SHANK2: variants seen among roughly 807,000 people sequenced by gnomAD.
SHANK2 encodes the protein SH3 and multiple ankyrin repeat domains 2.
In SHANK2, 43 loss-of-function variants were observed where a neutral mutation model predicts 133.7. The observed-to-expected ratio is 0.32, with a 90% CI of 0.25 to 0.41. The LOEUF is 0.41. Ranked by LOEUF, SHANK2 falls within the 10% of genes least tolerant of loss-of-function variation. The pLI, the probability that SHANK2 is intolerant of heterozygous loss-of-function variation, is 1.00. For missense variants in SHANK2, 1,994 were observed against 2,235.8 expected (o/e 0.89, Z 2.18); for synonymous variants, 1,017 against 952.8 (o/e 1.07, Z -1.24).
At chr11:71,082,884 G>A (rs1271332512) in intron 8 of SHANK2, among the ~76,000 whole-genome samples, 2 of 152,136 alleles carry the variant, frequency 1.3e-5, no homozygotes, top group Admixed American at 6.5e-5. Flanking sequence ...ATCAAACGAG[G>A]GGCTGGGAGC....
chr11:70,890,462 A>G, intron 11 of SHANK2, among the ~76,000 whole-genome samples: 1 of 151,482 alleles, frequency 6.6e-6, no homozygotes. Context: ...AACATGGTGA[A>G]ACCCTGTCTC....
intron 17 of SHANK2, among the ~76,000 whole-genome samples, chr11:70,619,176 T>A (rs759936972): frequency 3.9e-5 from 6 of 152,228 alleles, no homozygotes; most frequent in Non-Finnish European, 7.3e-5. Context: ...TAGATTCTTA[T>A]TGCTCGCTGT....
intron 2 of SHANK2, among the ~76,000 whole-genome samples, chr11:71,193,142 G>A (rs1953824561): frequency 6.6e-6 from 1 of 152,152 alleles, no homozygotes; most frequent in Non-Finnish European, 1.5e-5. Context: ...CTCTGCTAAA[G>A]CCAGATTCCT....
chr11:70,489,085 A>G, intron 24 of SHANK2: 1 of 532,316 alleles, frequency 1.9e-6, no homozygotes. Context: ...AGGACAAACT[A>G]CAATAATTTA....
intron 23 of SHANK2, chr11:70,489,900 A>G: frequency 3.2e-6 from 1 of 317,282 alleles, no homozygotes; most frequent in South Asian, 3.3e-5. Context: ...GTGGCTGGGG[A>G]ATGCAGGGAA....
intron 2 of SHANK2, among the ~76,000 whole-genome samples, chr11:71,176,377 A>T (rs1953445415): frequency 6.6e-6 from 1 of 152,234 alleles, no homozygotes; most frequent in Admixed American, 6.5e-5. Context: ...ATTATCACAC[A>T]TGCAAAGAAG....
At chr11:71,123,729 G>T (rs1317002202) in intron 3 of SHANK2, among the ~76,000 whole-genome samples, 2 of 152,222 alleles carry the variant, frequency 1.3e-5, no homozygotes, top group African/African-American at 4.8e-5. Flanking sequence ...CTGAGTGAGT[G>T]AGTGATTTGT....
intron 1 of SHANK2, among the ~76,000 whole-genome samples, chr11:71,234,902 A>G (rs1250798011): frequency 6.6e-6 from 1 of 152,060 alleles, no homozygotes; most frequent in Non-Finnish European, 1.5e-5. Context: ...ACAACAGCAC[A>G]TTTTACAACA....
intron 3 of SHANK2, among the ~76,000 whole-genome samples, chr11:71,127,931 G>A (rs782507322): frequency 1.3e-5 from 2 of 152,106 alleles, no homozygotes; most frequent in Non-Finnish European, 2.9e-5. Context: ...ACAACCCCGC[G>A]CCCCAGCCTC....
chr11:70,706,239 C>T (rs1945659697), intron 14 of SHANK2, among the ~76,000 whole-genome samples: 1 of 152,230 alleles, frequency 6.6e-6, no homozygotes, highest in South Asian at 2.1e-4. Flanking sequence ...ATTCCTTCCC[C>T]AGCTCACATT....
At chr11:70,645,418 CAAAAACA>C (rs1240245307) in intron 17 of SHANK2, among the ~76,000 whole-genome samples, 1 of 151,844 alleles carries the variant, frequency 6.6e-6, no homozygotes, top group Non-Finnish European at 1.5e-5. Flanking sequence ...ACAACAACAA[CAAAAACA>C]AAAAACAAAA....
intron 2 of SHANK2, among the ~76,000 whole-genome samples, chr11:71,196,721 G>C (rs531830985): frequency 2.0e-5 from 3 of 149,486 alleles, no homozygotes; most frequent in African/African-American, 7.3e-5. Flanking sequence ...ATCCCTGCCC[G>C]ATGCAATGGC....
chr11:70,805,842 G>A (rs181214301), intron 13 of SHANK2, among the ~76,000 whole-genome samples: 234 of 152,322 alleles, frequency 1.5e-3, no homozygotes, highest in African/African-American at 5.5e-3. Context: ...GAAAGGGTAA[G>A]TGAACTTAAA....
intron 17 of SHANK2, among the ~76,000 whole-genome samples, chr11:70,576,445 T>C (rs946632296): frequency 4.6e-5 from 7 of 151,998 alleles, no homozygotes; most frequent in Admixed American, 2.6e-4. Context: ...CCATCCTGGC[T>C]AACATGGTGA....
intron 1 of SHANK2, among the ~76,000 whole-genome samples, chr11:71,239,358 C>T (rs1954860651): frequency 6.6e-6 from 1 of 152,208 alleles, no homozygotes; most frequent in South Asian, 2.1e-4. Flanking sequence ...TGTCCTCCAA[C>T]AATGTCTGCA....
intron 2 of SHANK2, among the ~76,000 whole-genome samples, chr11:71,148,931 A>G (rs1952707301): frequency 6.6e-6 from 1 of 152,148 alleles, no homozygotes; most frequent in Non-Finnish European, 1.5e-5. Context: ...GGAAAGGCAC[A>G]TGCCCAATGC....
chr11:71,112,748 G>T (rs560515007), intron 5 of SHANK2, among the ~76,000 whole-genome samples: 1 of 152,194 alleles, frequency 6.6e-6, no homozygotes, highest in South Asian at 2.1e-4. Flanking sequence ...TCCTCGACTC[G>T]CACAGCACCC....
At chr11:70,704,147 A>G (rs1591766542) in intron 14 of SHANK2, among the ~76,000 whole-genome samples, 1 of 152,248 alleles carries the variant, frequency 6.6e-6, no homozygotes, top group African/African-American at 2.4e-5. Context: ...AGGAACAGAG[A>G]CAGAGAGACC....
intron 14 of SHANK2, among the ~76,000 whole-genome samples, chr11:70,772,833 ATTCT>A (rs1488753956): frequency 2.6e-5 from 4 of 152,188 alleles, no homozygotes; most frequent in African/African-American, 9.7e-5. Flanking sequence ...CAAATTTATC[ATTCT>A]TTGTCAAAAA....
Sources: allele counts gnomAD v4.1 joint callset (sites outside exome capture counted in the v4.1 genomes callset), GRCh38; gene constraint gnomAD v4.1.1; transcripts MANE v1.5; gene names NCBI Gene and HGNC (gene_info 2026-07-23, HGNC 2026-07-21).